Variants in GABRB1 observed in about 807,000 individuals in gnomAD.
GABRB1 encodes gamma-aminobutyric acid type A receptor subunit beta1.
In GABRB1, 17 loss-of-function variants were observed where a neutral mutation model predicts 51.6. The ratio of observed to expected loss-of-function variants is 0.33; its 90% confidence interval spans 0.23 to 0.49. The LOEUF (loss-of-function observed/expected upper bound fraction) is 0.49. Ranked by LOEUF, GABRB1 falls within the 20% of genes least tolerant of loss-of-function variation. The probability of loss-of-function intolerance (pLI) is 0.99; values close to 1 mark genes in which losing one functional copy is unlikely to be tolerated. For missense variants in GABRB1, 410 were observed against 600.6 expected, an observed-to-expected ratio of 0.68 and a Z score of 3.32; for synonymous variants, 247 against 218.9, an observed-to-expected ratio of 1.13 and a Z score of -1.14.
intron 3 of GABRB1, among the ~76,000 whole-genome samples, chr4:47,107,703 T>C (rs1407085817): frequency 6.6e-6 from 1 of 152,020 alleles, no homozygotes; most frequent in Non-Finnish European, 1.5e-5. Flanking sequence ...CCCATAATGA[T>C]CTGTAAGAAT....
intron 5 of GABRB1, among the ~76,000 whole-genome samples, chr4:47,352,095 T>C (rs901494370): frequency 3.9e-5 from 6 of 152,116 alleles, no homozygotes; most frequent in African/African-American, 1.2e-4. Context: ...TTTTAATGAT[T>C]GCCATTCTAA....
intron 3 of GABRB1, among the ~76,000 whole-genome samples, chr4:47,047,436 T>TA (rs950177089): frequency 1.3e-5 from 2 of 152,062 alleles, no homozygotes; most frequent in Non-Finnish European, 2.9e-5. Context: ...AACTGAGATA[T>TA]AAAAAAATTA....
chr4:47,207,292 A>G (rs1373951036), intron 4 of GABRB1, among the ~76,000 whole-genome samples: 1 of 151,998 alleles, frequency 6.6e-6, no homozygotes, highest in African/African-American at 2.4e-5. Context: ...TAAAATGCCA[A>G]CTTCTGTCCT....
At chr4:47,425,651 G>T in intron 8 of GABRB1, 23 bp from the exon 9 acceptor site, 1 of 1,557,234 alleles carries the variant, frequency 6.4e-7, no homozygotes, top group Middle Eastern at 1.7e-4. Context: ...ACTTGTGTCC[G>T]AGCCTGTTCT....
At chr4:47,371,029 C>T (rs1560355802) in intron 5 of GABRB1, among the ~76,000 whole-genome samples, 1 of 152,012 alleles carries the variant, frequency 6.6e-6, no homozygotes, top group Admixed American at 6.5e-5. Flanking sequence ...ACAGATCAAC[C>T]CATGACCCAG....
In GABRB1 at chr4:47,007,866, GTATATA is replaced by G. The variant is rs1165939097; in HGVS notation, c.-20+13963_-20+13968del. On this transcript the variant is annotated intron_variant, in intron 1 of 3. Transcript: ENST00000513567. ...TTAAAGGACGTATACCTTGGAACTG[GTATATA>G]TATATATATATATATATATATAAAA... Among the ~76,000 whole-genome samples the G allele has an allele frequency of 7.4e-4, 37 of 49,980 alleles. 1 individual carries two copies. The highest frequency in any genetic ancestry group is 2.8e-3 in the African/African-American group (35 of 12,696). 32.8% of individuals were successfully genotyped at this position (49,980 alleles called of 152,430 possible).
intron 5 of GABRB1, among the ~76,000 whole-genome samples, chr4:47,383,426 CTCAATAAGTA>C (rs1727661232): frequency 6.6e-6 from 1 of 151,786 alleles, no homozygotes; most frequent in Non-Finnish European, 1.5e-5. Context: ...GGTAGCAGCT[CTCAATAAGTA>C]TCATCTGAGA....
intron 3 of GABRB1, chr4:47,032,979 T>G: frequency 2.9e-6 from 1 of 340,534 alleles, no homozygotes; most frequent in Non-Finnish European, 5.9e-6. Flanking sequence ...GTGTCCTCTC[T>G]CTCCAGGTTC....
chr4:47,297,927 T>A (rs560556289), intron 4 of GABRB1, among the ~76,000 whole-genome samples: 46 of 152,328 alleles, frequency 3.0e-4, no homozygotes, highest in African/African-American at 7.9e-4. Flanking sequence ...GATGCAAGGC[T>A]GGTTCAATAT....
At chr4:47,320,500 GA>G (rs1447273162) in intron 5 of GABRB1, among the ~76,000 whole-genome samples, 2 of 152,140 alleles carry the variant, frequency 1.3e-5, no homozygotes, top group Non-Finnish European at 2.9e-5. Flanking sequence ...AAAAAGAAAG[GA>G]AAGACATTTT....
chr4:47,041,683 G>C (rs1282504546), intron 3 of GABRB1, among the ~76,000 whole-genome samples: 1 of 152,028 alleles, frequency 6.6e-6, no homozygotes, highest in Non-Finnish European at 1.5e-5. Context: ...ATGACTCACG[G>C]AGATATTTTT....
chr4:47,363,071 G>A (rs1726863806), intron 5 of GABRB1, among the ~76,000 whole-genome samples: 1 of 151,952 alleles, frequency 6.6e-6, no homozygotes, highest in Admixed American at 6.6e-5. Context: ...GGGCTCAGTT[G>A]TGGAATATTT....
intron 5 of GABRB1, among the ~76,000 whole-genome samples, chr4:47,336,528 C>G (rs1270978984): frequency 6.6e-6 from 1 of 152,136 alleles, no homozygotes; most frequent in East Asian, 1.9e-4. Context: ...AGCTAACTTG[C>G]CTTTGTTCAT....
intron 4 of GABRB1, among the ~76,000 whole-genome samples, chr4:47,300,560 T>C (rs1350843397): frequency 6.6e-6 from 1 of 152,168 alleles, no homozygotes; most frequent in Admixed American, 6.5e-5. Flanking sequence ...ACAGCCCCTT[T>C]ATATTGAGTC....
Position 47,083,338 on chromosome 4 carries a change from A to G in GABRB1, c.240+50854A>G, listed in dbSNP as rs140619048. ...AGACTTTACCTTTCTTGAGACAACCATTACACATGTGCATGCACACACACA... is the reference window on the plus strand; with the variant it reads ...AGACTTTACCTTTCTTGAGACAACCGTTACACATGTGCATGCACACACACA... On this transcript the variant is annotated intron_variant, in intron 3 of 8. Transcript: ENST00000295454. Among the ~76,000 whole-genome samples the G allele has an allele frequency of 2.9e-3, 435 of 152,280 alleles. 2 individuals are homozygous for G. Among genetic ancestry groups the G allele is most frequent in the African/African-American group, 9.1e-3 (378 of 41,564 alleles).
At chr4:47,216,353 T>C (rs1720555627) in intron 4 of GABRB1, among the ~76,000 whole-genome samples, 1 of 151,818 alleles carries the variant, frequency 6.6e-6, no homozygotes, top group African/African-American at 2.4e-5. Context: ...TCTACCCCAT[T>C]AGGAAAATAG....
intron 3 of GABRB1, among the ~76,000 whole-genome samples, chr4:47,071,763 T>C (rs1200675173): frequency 6.6e-6 from 1 of 151,936 alleles, no homozygotes; most frequent in African/African-American, 2.4e-5. Context: ...ACCGTGCATA[T>C]GAAGGGCATT....
chr4:47,158,298 G>A (rs1333912183), intron 3 of GABRB1, among the ~76,000 whole-genome samples: 2 of 152,012 alleles, frequency 1.3e-5, no homozygotes, highest in Admixed American at 6.6e-5. Context: ...TTAAAATTGT[G>A]TATATTTATT....
intron 5 of GABRB1, among the ~76,000 whole-genome samples, chr4:47,371,851 C>T (rs541954187): frequency 1.2e-4 from 18 of 151,812 alleles, no homozygotes; most frequent in African/African-American, 2.4e-4. Flanking sequence ...CTTTGTCAGA[C>T]GGATAGATGG....
Sources: gnomAD v4.1 joint callset for allele counts (sites outside exome capture counted in the v4.1 genomes callset) on GRCh38, gnomAD v4.1.1 for gene constraint, MANE v1.5 for transcripts, NCBI Gene and HGNC (gene_info 2026-07-23, HGNC 2026-07-21) for gene names.